PHLDB2: variants seen among roughly 807,000 people sequenced by gnomAD.
PHLDB2 encodes the protein pleckstrin homology like domain family B member 2, also known as pleckstrin homology-like domain family B member 2.
Under a neutral mutation model 123.6 loss-of-function variants are expected in PHLDB2, and 71 were observed. The observed-to-expected ratio is 0.57, with a 90% CI of 0.47 to 0.70. The LOEUF is 0.70. Among genes scored for constraint, PHLDB2 ranks in the 30% least tolerant of loss-of-function variants. PHLDB2 has a pLI of 0.00. For missense variants in PHLDB2, 1,446 were observed against 1,519.5 expected, an observed-to-expected ratio of 0.95 and a Z score of 0.80; for synonymous variants, 547 against 541.6, an observed-to-expected ratio of 1.01 and a Z score of -0.14.
chr3:111,773,559 C>T (rs58124137), intron 1 of PHLDB2, among the ~76,000 whole-genome samples: 36,566 of 152,158 alleles, frequency 0.24, 5,144 homozygotes, highest in African/African-American at 0.39. Context: ...GCATTCATCC[C>T]TGACTTTGAG....
At chr3:111,900,346 T>C (rs2067123350) in intron 2 of PHLDB2, among the ~76,000 whole-genome samples, 4 of 152,248 alleles carry the variant, frequency 2.6e-5, no homozygotes, top group African/African-American at 9.6e-5. Context: ...GGCATGCCTT[T>C]CTCTCAAAGC....
intron 1 of PHLDB2, 150 bp downstream of exon 1, chr3:111,859,726 C>G: frequency 1.0e-6 from 1 of 985,234 alleles, no homozygotes; most frequent in Non-Finnish European, 1.2e-6. Flanking sequence ...GAGGCAGTGG[C>G]TGCCCGGGCC....
At chr3:111,747,129 G>C (rs1288144576) in intron 1 of PHLDB2, among the ~76,000 whole-genome samples, 4 of 152,142 alleles carry the variant, frequency 2.6e-5, no homozygotes, top group Admixed American at 6.5e-5. Flanking sequence ...ACTTTCAGCA[G>C]AATGCAAGAT....
chr3:111,868,566 C>T (rs1328740953), intron 1 of PHLDB2, among the ~76,000 whole-genome samples: 1 of 151,454 alleles, frequency 6.6e-6, no homozygotes, highest in Non-Finnish European at 1.5e-5. Flanking sequence ...TTATTCTCTT[C>T]CTTGTATTTT....
chr3:111,905,250 G>A (rs2067441962), intron 2 of PHLDB2, among the ~76,000 whole-genome samples: 1 of 152,156 alleles, frequency 6.6e-6, no homozygotes, highest in Admixed American at 6.6e-5. Context: ...GGATAGGTGG[G>A]AATCATTTAA....
At chr3:111,794,858 C>T (rs1449875683) in intron 1 of PHLDB2, among the ~76,000 whole-genome samples, 1 of 152,118 alleles carries the variant, frequency 6.6e-6, no homozygotes. Context: ...GCATGCAAAG[C>T]AGGGCCTACA....
intron 1 of PHLDB2, among the ~76,000 whole-genome samples, chr3:111,811,620 C>T (rs2061839594): frequency 6.6e-6 from 1 of 152,044 alleles, no homozygotes; most frequent in African/African-American, 2.4e-5. Context: ...GATTGTGATA[C>T]AGGTAATCAA....
intron 2 of PHLDB2, among the ~76,000 whole-genome samples, chr3:111,848,941 C>G (rs1445284174): frequency 1.3e-5 from 2 of 152,164 alleles, no homozygotes; most frequent in Non-Finnish European, 2.9e-5. Context: ...ACAGACTATG[C>G]CACCTAGGTT....
intron 1 of PHLDB2, among the ~76,000 whole-genome samples, chr3:111,835,526 AGGCAC>A (rs2063356570): frequency 6.6e-6 from 1 of 152,182 alleles, no homozygotes; most frequent in African/African-American, 2.4e-5. Flanking sequence ...AAATAATGGT[AGGCAC>A]CTGTTCCCAC....
chr3:111,753,858 T>A (rs993597551), intron 1 of PHLDB2, among the ~76,000 whole-genome samples: 17 of 152,226 alleles, frequency 1.1e-4, no homozygotes, highest in African/African-American at 3.6e-4. Context: ...AGTTTCAGCT[T>A]TCTACATAGG....
At chr3:111,939,977 T>C (rs894955676) in intron 7 of PHLDB2, among the ~76,000 whole-genome samples, 3 of 152,220 alleles carry the variant, frequency 2.0e-5, no homozygotes, top group Non-Finnish European at 2.9e-5. Context: ...TCTGTTTTCA[T>C]TGCTCAGTAG....
intron 6 of PHLDB2, among the ~76,000 whole-genome samples, chr3:111,932,733 C>CT (rs1443163249): frequency 2.6e-5 from 4 of 152,162 alleles, no homozygotes; most frequent in Non-Finnish European, 5.9e-5. Flanking sequence ...GCATTCTCTG[C>CT]TGCATCATGA....
At chr3:111,936,543 G>A (rs1014973661) in intron 6 of PHLDB2, among the ~76,000 whole-genome samples, 7 of 152,108 alleles carry the variant, frequency 4.6e-5, no homozygotes, top group African/African-American at 1.7e-4. Context: ...AGATGATTAT[G>A]TCAGTGGAGT....
chr3:111,748,801 C>T (rs575881631), intron 1 of PHLDB2, among the ~76,000 whole-genome samples: 3 of 152,186 alleles, frequency 2.0e-5, no homozygotes, highest in South Asian at 2.1e-4. Context: ...GGATTACAGG[C>T]GTGAGTCACT....
At chr3:111,887,476 G>T (rs1017760298) in intron 2 of PHLDB2, among the ~76,000 whole-genome samples, 1 of 152,120 alleles carries the variant, frequency 6.6e-6, no homozygotes, top group African/African-American at 2.4e-5. Flanking sequence ...AAAAAGTAAA[G>T]TGACTCAAAT....
intron 6 of PHLDB2, among the ~76,000 whole-genome samples, chr3:111,938,082 C>A (rs1392282494): frequency 6.6e-6 from 1 of 152,016 alleles, no homozygotes. Context: ...TTTGAGTCAC[C>A]CTTTGTGCCT....
chr3:111,927,676 A>G (rs1472863996), intron 5 of PHLDB2, among the ~76,000 whole-genome samples: 14 of 152,242 alleles, frequency 9.2e-5, no homozygotes, highest in Non-Finnish European at 2.1e-4. Flanking sequence ...ATTGGGACAT[A>G]CTTAACATTA....
At chr3:111,937,909 C>A (rs756592786) in intron 6 of PHLDB2, among the ~76,000 whole-genome samples, 2 of 151,758 alleles carry the variant, frequency 1.3e-5, no homozygotes, top group Non-Finnish European at 2.9e-5. Context: ...ATAATCTATA[C>A]AACATGCATC....
chr3:111,971,876 A>T (rs1340055618), intron 16 of PHLDB2, among the ~76,000 whole-genome samples: 2 of 152,216 alleles, frequency 1.3e-5, no homozygotes, highest in African/African-American at 4.8e-5. Flanking sequence ...CTGCATATTA[A>T]CTGGGATCTT....
Sources: gnomAD v4.1 joint callset for allele counts (sites outside exome capture counted in the v4.1 genomes callset) on GRCh38, gnomAD v4.1.1 for gene constraint, MANE v1.5 for transcripts, NCBI Gene and HGNC (gene_info 2026-07-23, HGNC 2026-07-21) for gene names.